RAB41: variants seen among roughly 807,000 people sequenced by gnomAD.
RAB41 encodes ras-related protein Rab-41.
In RAB41, 15 loss-of-function variants were observed where a neutral mutation model predicts 19.0. That is an observed-to-expected ratio of 0.79 (90% confidence interval 0.53 to 1.21). The LOEUF (loss-of-function observed/expected upper bound fraction) is 1.21, where lower values mean the gene tolerates loss of function less well. Ranked by LOEUF, RAB41 falls within the 50% of genes most tolerant of loss-of-function variation. RAB41 has a pLI of 0.00. For missense variants in RAB41, 177 were observed against 179.7 expected (o/e 0.99, Z 0.09); for synonymous variants, 73 against 64.7 (o/e 1.13, Z -0.62).
At position 70,284,549 on chromosome X, in the gene RAB41, G is replaced by A. The variant is rs773090623; in HGVS notation, c.614-39G>A. 11 of 1,154,559 alleles carry A rather than the reference G, an allele frequency of 9.5e-6. No individual in the cohort carries two copies. The East Asian group carries it at 3.3e-4, about 34-fold the overall frequency. ...CCTTGGGTGTTAAGATTTGACTCCA[G>A]TCACCTCACTGTATTAGCTTCCTTG... On this transcript the variant is annotated intron_variant, in intron 7 of 7. Coordinates refer to ENST00000374473, the MANE Select transcript of RAB41 (RefSeq NM_001363807.1).
At chrX:70,284,192 A>T in intron 6 of RAB41, 74 bp from the exon 7 acceptor site, 1 of 1,118,286 alleles carries the variant, frequency 8.9e-7, no homozygotes, top group Non-Finnish European at 1.2e-6. Flanking sequence ...GCCCTGAATT[A>T]TCCTAGCCTC....
rs1461672423 is a variant in RAB41 at position 70,282,802 on chromosome X, G to C, written c.184G>C (p.Ala62Pro). ...MYNSFGCACQ[A>P]TVGIDFLSKT... is the part of the protein sequence containing the mutation. The stretch of plus-strand genomic sequence containing the variant: ...GAGTGTATCTGATTTTCTTTTGCAG[G>C]CAACTGTTGGAATTGACTTCTTGTC... The change falls in exon 3 of 8, where the codon GCA (alanine) becomes CCA (proline). Residue 62 changes from alanine to proline, a missense_variant and splice_region_variant. Ala to Pro is a conservative substitution (Grantham distance 27). Transcript: ENST00000374473. The C allele has an allele frequency of 3.3e-6, 4 of 1,209,799 alleles. No homozygotes were observed. Among genetic ancestry groups the C allele is most frequent in the East Asian group, 3.0e-5 (1 of 33,844 alleles).
chrX:70,282,198 G>T lies in RAB41; in HGVS notation c.-20G>T, dbSNP rs1159511311. On this transcript the variant is annotated 5_prime_UTR_variant, in exon 1 of 8. Transcript: ENST00000374473. ...AGGCTGAGCGTTGGAAGCCATTTTG[G>T]CTGCAACCTACCTGAAGCGATGTCT... is the stretch of plus-strand genomic sequence containing the variant. 2 of 1,209,929 alleles carry T rather than the reference G, an allele frequency of 1.7e-6. No homozygotes were observed. The highest frequency in any genetic ancestry group is 1.1e-6 in the Non-Finnish European group (1 of 894,782).
chrX:70,282,593 T>C lies in RAB41; in HGVS notation c.183+2T>C. 1 of 1,206,863 alleles carries C rather than the reference T, an allele frequency of 8.3e-7. No homozygotes were observed. Among genetic ancestry groups the C allele is most frequent in the Non-Finnish European group, 1.1e-6 (1 of 891,095 alleles). On this transcript the variant is annotated splice_donor_variant, in intron 2 of 7. Coordinates refer to ENST00000374473, the MANE Select transcript of RAB41 (RefSeq NM_001363807.1). LOFTEE classifies it high-confidence loss of function. ...AACAGCTTCGGCTGCGCCTGCCAGG[T>C]AAGACCACCACCGAGTCATATGGTA...
rs780189595 is a variant in RAB41, at chrX:70,284,063, A to G, written c.549+20A>G. 11 of 1,082,964 alleles carry G rather than the reference A, an allele frequency of 1.0e-5. No homozygotes were observed. In the South Asian group the frequency reaches 1.5e-4, roughly 15 times the overall value. The allele number at this position is 1,082,964 out of a possible 1,213,427, so 89.2% of individuals were successfully genotyped here. On this transcript the variant is annotated intron_variant, in intron 6 of 7. Coordinates refer to ENST00000374473, the MANE Select transcript of RAB41 (RefSeq NM_001363807.1). ...AAAAAGGTAATACTTGTTTCTTTCT[A>G]TGATACTTTAATTGTGCTCTGTCTG...
Position 70,283,652 on chromosome X carries a change from C to A in RAB41, c.455+28C>A, listed in dbSNP as rs1370740109. 4 of 1,047,217 alleles carry A rather than the reference C, an allele frequency of 3.8e-6. No individual in the cohort carries two copies. In the East Asian group the frequency reaches 1.2e-4, roughly 32 times the overall value. 86.3% of individuals were successfully genotyped at this position (1,047,217 alleles called of 1,213,427 possible). A position where few individuals can be genotyped will look rare whatever the true frequency, so the allele number is the denominator to read the frequency against. The stretch of plus-strand genomic sequence containing the variant: ...AAAGTATAACTACAACTTCTTCTGG[C>A]ATACCTAAAATTCAGTCTCTATGGG... On this transcript the variant is annotated intron_variant, in intron 5 of 7. Transcript: ENST00000374473.
chrX:70,284,275 C>T lies in RAB41; in HGVS notation c.559C>T (p.Arg187Cys), dbSNP rs773143706. 4 of 1,202,790 alleles carry T rather than the reference C, an allele frequency of 3.3e-6. No individual in the cohort carries two copies. The highest frequency in any genetic ancestry group is 2.3e-4 in the Middle Eastern group (1 of 4,296). ...TCACACACACACACAGCTGTTCCGG[C>T]GTGTGGCTTCTGCCCTTCTTTCCAC... The part of the protein sequence containing the change: ...TGYNVKKLFR[R>C]VASALLSTRT... The change falls in exon 7 of 8, where the codon CGT (arginine) becomes TGT (cysteine). Residue 187 changes from arginine to cysteine, a missense_variant. By Grantham distance (180) the Arg-to-Cys change is radical (BLOSUM62 -3). Transcript: ENST00000374473.
chrX:70,284,161 T>C (rs2085704761), intron 6 of RAB41, 105 bp from the exon 7 acceptor site: 2 of 1,007,148 alleles, frequency 2.0e-6, no homozygotes, highest in African/African-American at 3.8e-5. Flanking sequence ...AAGGTTCATC[T>C]CCCCATCATG....
chrX:70,283,451 G>GGAA, intron 4 of RAB41, 62 bp from the exon 5 acceptor site: 1 of 1,091,541 alleles, frequency 9.2e-7, no homozygotes, highest in East Asian at 3.0e-5. Flanking sequence ...TTAGCAGAGA[G>GGAA]GAAGTGTTCT....
At chrX:70,284,143 T>C in intron 6 of RAB41, 100 bp downstream of exon 6, 2 of 974,482 alleles carry the variant, frequency 2.1e-6, no homozygotes, top group Admixed American at 2.3e-5. Context: ...TTTTGTGGGA[T>C]AGGGGTCAAG....
At chrX:70,283,822 T>C in intron 5 of RAB41, 128 bp from the exon 6 acceptor site, 1 of 543,266 alleles carries the variant, frequency 1.8e-6, no homozygotes, top group Non-Finnish European at 3.1e-6. Flanking sequence ...GTCCCCACCC[T>C]GTAGTCAGAA....
intron 7 of RAB41, 97 bp from the exon 8 acceptor site, chrX:70,284,491 C>G: frequency 2.1e-6 from 2 of 949,692 alleles, no homozygotes; most frequent in Admixed American, 2.2e-5. Flanking sequence ...ATTGTAAGAT[C>G]AGAATTCCTC....
chrX:70,282,863 T>C lies in RAB41; in HGVS notation c.237+8T>C, dbSNP rs1438102300. ...TACTTGGAGGACCAAATAGTGAGTG[T>C]TAACTCTCATACCACTAACCCTACA... On this transcript the variant is annotated splice_region_variant and intron_variant, in intron 3 of 7. Coordinates refer to ENST00000374473, the MANE Select transcript of RAB41 (RefSeq NM_001363807.1). The C allele has an allele frequency of 2.5e-6, 3 of 1,183,795 alleles. No individual in the cohort carries two copies. Among genetic ancestry groups the C allele is most frequent in the South Asian group, 1.8e-5 (1 of 56,350 alleles).
rs371005848 is a variant in RAB41 at position 70,282,348 on chromosome X, G to A, written c.124+7G>A. ...TTCCTGGGAGAGCAGAGCGGTGTGG[G>A]TCTGGGTTGGGCTTTGGGGACATGG... is the stretch of plus-strand genomic sequence containing the variant. On this transcript the variant is annotated splice_region_variant and intron_variant, in intron 1 of 7. Transcript: ENST00000374473. 6.0e-5 allele frequency: 73 copies of A among 1,209,260 alleles called. 1 individual carries two copies. The highest frequency in any genetic ancestry group is 1.3e-4 in the Admixed American group (6 of 45,800).
intron 5 of RAB41, 32 bp from the exon 6 acceptor site, chrX:70,283,918 C>G: frequency 2.9e-6 from 3 of 1,032,406 alleles, no homozygotes; most frequent in Non-Finnish European, 4.1e-6. Flanking sequence ...TCCAATAACT[C>G]TGGCCCTTTT....
rs2085693476 is a variant in RAB41 at position 70,282,530 on chromosome X, C to T, written c.125-3C>T. The T allele has an allele frequency of 1.7e-6, 2 of 1,209,627 alleles. No individual in the cohort carries two copies. Among genetic ancestry groups the T allele is most frequent in the South Asian group, 1.8e-5 (1 of 56,933 alleles). ...ACGATTGGCCTGCTTATCTCCCTCA[C>T]AGTAGGGAAGACATCCATCATCAGC... On this transcript the variant is annotated splice_polypyrimidine_tract_variant and splice_region_variant and intron_variant, in intron 1 of 7. Coordinates refer to ENST00000374473, the MANE Select transcript of RAB41 (RefSeq NM_001363807.1).
chrX:70,284,352 T>G (rs1380813837), intron 7 of RAB41, 23 bp downstream of exon 7: 1 of 1,192,826 alleles, frequency 8.4e-7, no homozygotes, highest in Admixed American at 2.2e-5. Context: ...CTAGCTTTGC[T>G]GGGGTAGGGA....
chrX:70,284,381 T>G (rs2085706863), intron 7 of RAB41, 52 bp downstream of exon 7: 1 of 1,148,642 alleles, frequency 8.7e-7, no homozygotes, highest in African/African-American at 1.8e-5. Flanking sequence ...GTAGAGAAGG[T>G]AAGTTTCCTT....
In RAB41 at chrX:70,282,840, C is replaced by T. The variant is rs2085696090; in HGVS notation, c.222C>T (p.Tyr74=). The part of the protein sequence containing the change: ...VGIDFLSKTM[Y]LEDQIVQLQL... ...TTGACTTCTTGTCTAAGACCATGTA[C>T]TTGGAGGACCAAATAGTGAGTGTTA... Residue 74 remains tyrosine, a synonymous_variant, in exon 3 of 8, where the codon TAC becomes TAT. Coordinates refer to ENST00000374473, the MANE Select transcript of RAB41 (RefSeq NM_001363807.1). The T allele has an allele frequency of 2.5e-6, 3 of 1,205,218 alleles. No homozygotes were observed. Among genetic ancestry groups the T allele is most frequent in the Non-Finnish European group, 3.4e-6 (3 of 890,584 alleles).
Sources: allele counts gnomAD v4.1 joint callset, GRCh38; gene constraint gnomAD v4.1.1; transcripts MANE v1.5; gene names NCBI Gene and HGNC (gene_info 2026-07-23, HGNC 2026-07-21).